The following FAM228B variants were observed in gnomAD, a reference collection of about 807,000 sequenced individuals.
FAM228B encodes protein FAM228B.
FAM228B carries 38 observed loss-of-function variants against 42.6 expected under a neutral mutation model. The observed-to-expected ratio is 0.89, with a 90% CI of 0.69 to 1.17. The LOEUF (loss-of-function observed/expected upper bound fraction) is 1.17, where lower values mean the gene tolerates loss of function less well. Among genes scored for constraint, FAM228B ranks in the 50% most tolerant of loss-of-function variants. The pLI is 0.00. For missense variants in FAM228B, 344 were observed against 367.3 expected, an observed-to-expected ratio of 0.94 and a Z score of 0.52; for synonymous variants, 109 against 122.3, an observed-to-expected ratio of 0.89 and a Z score of 0.72.
At chr2:24,116,737 C>G (rs555175264) in intron 3 of FAM228B, among the ~76,000 whole-genome samples, 1 of 151,880 alleles carries the variant, frequency 6.6e-6, no homozygotes, top group East Asian at 2.0e-4. Flanking sequence ...ACCTGTAGTC[C>G]CAGCTACTTG....
At chr2:24,116,710 C>T (rs753113345) in intron 3 of FAM228B, among the ~76,000 whole-genome samples, 1 of 151,656 alleles carries the variant, frequency 6.6e-6, no homozygotes, top group Admixed American at 6.6e-5. Context: ...CAAACATTAG[C>T]CTGTGTGGTG....
chr2:24,154,472 T>A (rs1667089153), intron 7 of FAM228B, among the ~76,000 whole-genome samples: 1 of 152,262 alleles, frequency 6.6e-6, no homozygotes, highest in Admixed American at 6.5e-5. Context: ...TGTAAGTCCC[T>A]TATCAGGTAT....
At chr2:24,129,524 CTTTA>C (rs1324312817) in intron 2 of FAM228B, among the ~76,000 whole-genome samples, 1 of 151,826 alleles carries the variant, frequency 6.6e-6, no homozygotes, top group Non-Finnish European at 1.5e-5. Context: ...ATTTTCTAAT[CTTTA>C]TTCTTCCTTT....
At chr2:24,140,686 G>A (rs1217525870) in intron 5 of FAM228B, among the ~76,000 whole-genome samples, 1 of 151,996 alleles carries the variant, frequency 6.6e-6, no homozygotes, top group African/African-American at 2.4e-5. Flanking sequence ...TGGCAGCCGG[G>A]CGCAGTGGCT....
Position 24,164,264 on chromosome 2 carries a change from CAA to C in FAM228B, c.863_864del (p.Lys288ArgfsTer5), listed in dbSNP as rs770487973. 5.8e-6 allele frequency: 9 copies of C among 1,551,386 alleles called. No individual in the cohort carries two copies. Among genetic ancestry groups the C allele is most frequent in the Non-Finnish European group, 7.8e-6 (9 of 1,146,812 alleles). On this transcript the variant is annotated frameshift_variant, in exon 9 of 11. Transcript: ENST00000615575. LOFTEE classifies it high-confidence loss of function. ...CYQEGNNPSA[K>X]EAISEGYFSS... ...ATCAGGAGGGAAATAATCCAAGTGC[CAA>C]AGAGGCCATCTCTGAAGGGTATTTT... is the stretch of plus-strand genomic sequence containing the variant.
intron 3 of FAM228B, 93 bp downstream of exon 3, chr2:24,135,280 A>G: frequency 1.4e-6 from 1 of 723,966 alleles, no homozygotes; most frequent in Non-Finnish European, 2.2e-6. Flanking sequence ...TATTTAGAAA[A>G]TATGGAAAAA....
At chr2:24,118,548 A>C (rs1302834554), upstream of FAM228B, among the ~76,000 whole-genome samples, 2 of 152,236 alleles carry the variant, frequency 1.3e-5, no homozygotes, top group African/African-American at 4.8e-5. Context: ...AGGGATTCAC[A>C]ATCTAGATAA....
intron 2 of FAM228B, among the ~76,000 whole-genome samples, chr2:24,127,110 C>G (rs2151013892): frequency 6.6e-6 from 1 of 152,256 alleles, no homozygotes; most frequent in East Asian, 1.9e-4. Flanking sequence ...CCCCCATTCC[C>G]CTCCCTCTCT....
At chr2:24,163,944 G>A (rs1190047564) in intron 8 of FAM228B, among the ~76,000 whole-genome samples, 1 of 152,142 alleles carries the variant, frequency 6.6e-6, no homozygotes, top group Non-Finnish European at 1.5e-5. Flanking sequence ...AACTCTATGA[G>A]GGATCATTCA....
chr2:24,155,013 C>T (rs1008330719), intron 7 of FAM228B, among the ~76,000 whole-genome samples: 2 of 152,110 alleles, frequency 1.3e-5, no homozygotes, highest in East Asian at 3.9e-4. Context: ...TCTTTGTCTA[C>T]TTTGAGCATC....
rs777568807 is a variant in FAM228B, at chr2:24,080,796, GA to G, written c.-289-78del. ...TTTAATCATCTCTTAAATTCCTGCT[GA>G]ACTGTAGAAGCAGTTGTTTACCTTT... On this transcript the variant is annotated intron_variant, in intron 1 of 10. Transcript: ENST00000613899. The surrounding 1 kb of genome is among the most constrained non-coding windows in gnomAD (Gnocchi z 4.7). 1.8e-5 allele frequency: 29 copies of G among 1,612,926 alleles called. No individual in the cohort carries two copies. The African/African-American group carries it at 3.5e-4, about 19-fold the overall frequency.
intron 5 of FAM228B, among the ~76,000 whole-genome samples, chr2:24,145,248 C>T (rs1485369465): frequency 6.6e-6 from 1 of 152,222 alleles, no homozygotes; most frequent in Non-Finnish European, 1.5e-5. Flanking sequence ...CCTTGGCCTG[C>T]CACTGCTTCC....
At chr2:24,168,468 A>T (rs1472479720) in intron 10 of FAM228B, among the ~76,000 whole-genome samples, 1 of 152,148 alleles carries the variant, frequency 6.6e-6, no homozygotes, top group Non-Finnish European at 1.5e-5. Context: ...GCTGAGAGGG[A>T]GGTAAAATGA....
At chr2:24,096,831 G>A (rs888350913) in intron 3 of FAM228B, 3 of 152,146 alleles carry the variant, frequency 2.0e-5, no homozygotes, top group African/African-American at 4.8e-5. Flanking sequence ...ACACATAATT[G>A]TCAGATTCAC....
chr2:24,138,510 T>C (rs1666661810), intron 4 of FAM228B, among the ~76,000 whole-genome samples: 1 of 152,084 alleles, frequency 6.6e-6, no homozygotes, highest in Admixed American at 6.5e-5. Flanking sequence ...TAATTTTGTA[T>C]TTTTAGTAGA....
chr2:24,097,334 T>C (rs145572279), intron 3 of FAM228B: 2 of 151,580 alleles, frequency 1.3e-5, no homozygotes, highest in African/African-American at 4.8e-5. Context: ...GACTGGCAAA[T>C]TGGATAAAGA....
chr2:24,149,092 C>T (rs7597149), intron 7 of FAM228B, among the ~76,000 whole-genome samples: 88,398 of 152,142 alleles, frequency 0.58, 26,385 homozygotes, highest in East Asian at 0.75. Flanking sequence ...TACTCCATTG[C>T]GTGTAAGTGC....
intron 2 of FAM228B, among the ~76,000 whole-genome samples, chr2:24,129,457 T>TGA (rs1334210896): frequency 6.6e-6 from 1 of 152,158 alleles, no homozygotes; most frequent in East Asian, 1.9e-4. Context: ...TCTGCAACTC[T>TGA]ATCCATTTGC....
chr2:24,110,193 T>C (rs1040504473), intron 3 of FAM228B, among the ~76,000 whole-genome samples: 1 of 152,080 alleles, frequency 6.6e-6, no homozygotes, highest in African/African-American at 2.4e-5. Context: ...GAAAACCAAA[T>C]ACCACCTGTT....
Sources: gnomAD v4.1 joint callset for allele counts (sites outside exome capture counted in the v4.1 genomes callset) on GRCh38, gnomAD v4.1.1 for gene constraint, Gnocchi (gnomAD v3.1) non-coding constraint, MANE v1.5 for transcripts, NCBI Gene and HGNC (gene_info 2026-07-23, HGNC 2026-07-21) for gene names.